The following CFAP44 variants were observed in gnomAD, a reference collection of about 807,000 sequenced individuals.
The protein encoded by CFAP44 is cilia- and flagella-associated protein 44.
CFAP44 carries 134 observed loss-of-function variants against 216.2 expected under a neutral mutation model. That is an observed-to-expected ratio of 0.62 (90% CI 0.54 to 0.72). The LOEUF is 0.72. Among genes scored for constraint, CFAP44 ranks in the 30% least tolerant of loss-of-function variants. The pLI is 0.00. For synonymous variants in CFAP44, 700 were observed against 727.6 expected (o/e 0.96, Z 0.61); for missense variants, 2,035 against 2,182.1 (o/e 0.93, Z 1.34).
At chr3:113,349,211 T>C (rs1359744180) in intron 22 of CFAP44, among the ~76,000 whole-genome samples, 2 of 152,174 alleles carry the variant, frequency 1.3e-5, no homozygotes, top group African/African-American at 2.4e-5. Context: ...CAAGCTGCTA[T>C]GGGAGGCCTT....
At chr3:113,433,450 A>AAAAAAAAAAAAAAAAAAAAAAAT (rs1935159092) in intron 2 of CFAP44, 115 bp downstream of exon 2, 1 of 455,520 alleles carries the variant, frequency 2.2e-6, no homozygotes, top group Non-Finnish European at 3.6e-6. Flanking sequence ...AAAAAAAAAA[A>AAAAAAAAAAAAAAAAAAAAAAAT]AAAAAAGATC....
At chr3:113,400,073 T>C in intron 12 of CFAP44, 73 bp from the exon 13 acceptor site, 1 of 963,608 alleles carries the variant, frequency 1.0e-6, no homozygotes, top group East Asian at 3.0e-5. Context: ...ACTTTTTACA[T>C]GTTGAATATT....
intron 32 of CFAP44, among the ~76,000 whole-genome samples, chr3:113,302,786 A>AG (rs1336040883): frequency 6.6e-6 from 1 of 150,940 alleles, no homozygotes; most frequent in African/African-American, 2.4e-5. Context: ...AAAAAAAAAA[A>AG]AAAAAGAAAA....
At chr3:113,395,989 G>A (rs1017723762) in intron 14 of CFAP44, 129 bp from the exon 15 acceptor site, 2 of 621,918 alleles carry the variant, frequency 3.2e-6, no homozygotes, top group African/African-American at 1.9e-5. Context: ...ATTATTCTAG[G>A]AGAATTCTTA....
intron 28 of CFAP44, among the ~76,000 whole-genome samples, chr3:113,319,806 T>G (rs1950125398): frequency 2.6e-5 from 4 of 151,726 alleles, no homozygotes; most frequent in Non-Finnish European, 4.4e-5. Flanking sequence ...TAAACAAGAT[T>G]GCTATATCAC....
At chr3:113,407,883 A>G (rs1326154885) in intron 7 of CFAP44, among the ~76,000 whole-genome samples, 1 of 152,160 alleles carries the variant, frequency 6.6e-6, no homozygotes, top group African/African-American at 2.4e-5. Context: ...GCTTCCATAT[A>G]CTCTGGGTTC....
chr3:113,383,984 A>G (rs969944238), intron 15 of CFAP44, among the ~76,000 whole-genome samples: 17 of 150,690 alleles, frequency 1.1e-4, no homozygotes, highest in Non-Finnish European at 2.1e-4. Flanking sequence ...TCCACTTATG[A>G]GTGAGAACAT....
At chr3:113,375,039 G>C (rs770757205) in intron 17 of CFAP44, among the ~76,000 whole-genome samples, 2 of 152,120 alleles carry the variant, frequency 1.3e-5, no homozygotes, top group South Asian at 4.1e-4. Context: ...GCTGCATCAC[G>C]GATGAAACTT....
intron 32 of CFAP44, among the ~76,000 whole-genome samples, chr3:113,297,206 T>C (rs1037477713): frequency 2.0e-5 from 3 of 152,026 alleles, no homozygotes; most frequent in African/African-American, 4.8e-5. Context: ...ATATGGCACT[T>C]TACAGCATCT....
intron 25 of CFAP44, among the ~76,000 whole-genome samples, chr3:113,331,104 C>T (rs905998102): frequency 6.6e-6 from 1 of 152,140 alleles, no homozygotes; most frequent in Non-Finnish European, 1.5e-5. Context: ...CACCTAGGCC[C>T]AAACTACAGG....
At chr3:113,328,719 AAAAAAAAAAC>A (rs1413480353) in intron 26 of CFAP44, among the ~76,000 whole-genome samples, 19 of 145,940 alleles carry the variant, frequency 1.3e-4, no homozygotes, top group Middle Eastern at 3.2e-3. Context: ...AAAAAAAAAA[AAAAAAAAAAC>A]AGAGAGAGAA....
chr3:113,348,687 G>A (rs1245706694), intron 22 of CFAP44, among the ~76,000 whole-genome samples: 1 of 152,122 alleles, frequency 6.6e-6, no homozygotes. Flanking sequence ...AAAACTCCCA[G>A]GCTATTGGTT....
intron 22 of CFAP44, among the ~76,000 whole-genome samples, chr3:113,354,203 A>G (rs892267550): frequency 2.6e-5 from 4 of 152,184 alleles, no homozygotes; most frequent in African/African-American, 9.7e-5. Context: ...TAGCTTGCGG[A>G]TGGGGACAGA....
At chr3:113,355,790 A>G (rs1028580828) in intron 22 of CFAP44, among the ~76,000 whole-genome samples, 1 of 152,032 alleles carries the variant, frequency 6.6e-6, no homozygotes, top group African/African-American at 2.4e-5. Context: ...AGTTACAAAA[A>G]AAATTTAAGT....
intron 22 of CFAP44, among the ~76,000 whole-genome samples, chr3:113,345,060 A>G (rs6794923): frequency 0.091 from 13,572 of 148,478 alleles, 815 homozygotes; most frequent in African/African-American, 0.16. Flanking sequence ...ATCTCCCTAC[A>G]TATTATATAT....
intron 6 of CFAP44, 95 bp from the exon 7 acceptor site, chr3:113,409,417 G>T: frequency 8.9e-7 from 1 of 1,123,420 alleles, no homozygotes; most frequent in Non-Finnish European, 1.3e-6. Flanking sequence ...AGCCCATGGT[G>T]ATGTAAGAAT....
intron 6 of CFAP44, among the ~76,000 whole-genome samples, chr3:113,412,943 C>T (rs373140006): frequency 2.0e-5 from 3 of 152,276 alleles, no homozygotes; most frequent in South Asian, 2.1e-4. Context: ...CTTGAGGAAT[C>T]GCCATACTGT....
intron 26 of CFAP44, 146 bp downstream of exon 26, chr3:113,330,022 C>T: frequency 1.1e-6 from 1 of 947,124 alleles, no homozygotes. Flanking sequence ...GGGGAGGAAG[C>T]CAAGCCATCA....
In CFAP44 at chr3:113,433,219, A is replaced by T. The variant is rs565255056; in HGVS notation, c.100+346T>A. Reference sequence around the variant, plus strand: ...AGAGGCAGGTGGATCACCTGAGGTCAGGAGTTCGAGACCAGCCTGACCAAT... The same window carrying T: ...AGAGGCAGGTGGATCACCTGAGGTCTGGAGTTCGAGACCAGCCTGACCAAT... On this transcript the variant is annotated intron_variant, in intron 2 of 34. Transcript: ENST00000393845. Among the ~76,000 whole-genome samples, 148 of 152,082 alleles carry T rather than the reference A, an allele frequency of 9.7e-4. 2 individuals are homozygous for T. Among genetic ancestry groups the T allele is most frequent in the Non-Finnish European group, 4.3e-4 (29 of 67,974 alleles).
Sources: allele counts gnomAD v4.1 joint callset (sites outside exome capture counted in the v4.1 genomes callset), GRCh38; gene constraint gnomAD v4.1.1; transcripts MANE v1.5; gene names NCBI Gene and HGNC (gene_info 2026-07-23, HGNC 2026-07-21).